The following POU6F2 variants were observed in gnomAD, a reference collection of about 807,000 sequenced individuals.
POU6F2 encodes POU class 6 homeobox 2, also known as POU domain, class 6, transcription factor 2.
A neutral mutation model predicts 71.3 loss-of-function variants in POU6F2; 31 were observed. The ratio of observed to expected loss-of-function variants is 0.43; its 90% confidence interval spans 0.33 to 0.59. The LOEUF is 0.59. POU6F2 is among the 20% of genes least tolerant of loss of function. The pLI is 0.04. For missense variants in POU6F2, 783 were observed against 856.8 expected (o/e 0.91, Z 1.07); for synonymous variants, 347 against 355.7 (o/e 0.98, Z 0.27).
At chr7:39,252,254 G>A (rs1248465510) in intron 4 of POU6F2, among the ~76,000 whole-genome samples, 1 of 151,928 alleles carries the variant, frequency 6.6e-6, no homozygotes, top group Non-Finnish European at 1.5e-5. Context: ...CTCTGTTTGA[G>A]TGTGGGTCCC....
chr7:39,213,794 C>A (rs560630249), intron 4 of POU6F2, among the ~76,000 whole-genome samples: 1 of 152,332 alleles, frequency 6.6e-6, no homozygotes, highest in Non-Finnish European at 1.5e-5. Flanking sequence ...ATTCCAACAT[C>A]CCAGTGGGCA....
chr7:39,464,324 C>G lies in POU6F2; in HGVS notation c.1801C>G (p.Gln601Glu), dbSNP rs775497926. Residue 601 changes from glutamine (Q) to glutamate (E), a missense_variant, in exon 10 of 10, where the codon CAG becomes GAG. Transcript: ENST00000518318. The surrounding 1 kb of genome is among the most constrained non-coding windows in gnomAD (Gnocchi z 4.1). ...GCTGGACATCACCCCTAAAAGTGCC[C>G]AGAAGATCAAGCCGGTGCTTGAGCG... ...EKLDITPKSA[Q>E]KIKPVLERWM... The G allele has an allele frequency of 1.5e-5, 24 of 1,613,898 alleles. No individual in the cohort carries two copies. Among genetic ancestry groups the G allele is most frequent in the Non-Finnish European group, 2.0e-5 (24 of 1,179,894 alleles).
intron 1 of POU6F2, among the ~76,000 whole-genome samples, chr7:38,990,017 T>C (rs1428673911): frequency 1.3e-5 from 2 of 152,144 alleles, no homozygotes; most frequent in Admixed American, 6.6e-5. Context: ...ATCTTTTAAC[T>C]GATTAAGATT....
chr7:39,407,778 G>A (rs768043166), intron 6 of POU6F2, among the ~76,000 whole-genome samples: 4 of 152,088 alleles, frequency 2.6e-5, no homozygotes, highest in Non-Finnish European at 2.9e-5. Context: ...AAGCTAAATC[G>A]TCTCTGTCTA....
intron 4 of POU6F2, among the ~76,000 whole-genome samples, chr7:39,224,390 A>G (rs1225013457): frequency 6.6e-6 from 1 of 151,794 alleles, no homozygotes; most frequent in African/African-American, 2.4e-5. Flanking sequence ...AAAAAAAAAA[A>G]GAGGAAATAA....
intron 2 of POU6F2, among the ~76,000 whole-genome samples, chr7:39,174,884 C>T (rs1793297856): frequency 6.6e-6 from 1 of 152,196 alleles, no homozygotes; most frequent in South Asian, 2.1e-4. Context: ...TCCTCAAGCC[C>T]CTGTGATCTG....
chr7:39,360,946 C>G (rs1786375975), intron 5 of POU6F2, among the ~76,000 whole-genome samples: 1 of 152,166 alleles, frequency 6.6e-6, no homozygotes, highest in Admixed American at 6.5e-5. Context: ...GTTTTATCAG[C>G]AAATGACCTG....
At chr7:39,052,256 A>G (rs1790413786) in intron 1 of POU6F2, among the ~76,000 whole-genome samples, 1 of 152,114 alleles carries the variant, frequency 6.6e-6, no homozygotes, top group African/African-American at 2.4e-5. Context: ...TATGAGAAAA[A>G]CTTGGGCCCA....
chr7:39,266,659 TTGA>T lies in POU6F2; in HGVS notation c.598+59043_598+59045del, dbSNP rs201182377. Among the ~76,000 whole-genome samples, 872 of 150,820 alleles carry T rather than the reference TTGA, an allele frequency of 5.8e-3. 7 individuals are homozygous for T. The highest frequency in any genetic ancestry group is 0.019 in the African/African-American group (787 of 40,866). On this transcript the variant is annotated intron_variant, in intron 4 of 9. Coordinates refer to ENST00000518318, the MANE Select transcript of POU6F2 (RefSeq NM_001370959.1). ...GATCCTCCTGCTTCAGCCTCTTGAG[TTGA>T]TGAGATTACAGGCATGAGCCACCGC...
intron 8 of POU6F2, among the ~76,000 whole-genome samples, chr7:39,455,890 A>C (rs898481926): frequency 6.6e-6 from 1 of 152,168 alleles, no homozygotes; most frequent in African/African-American, 2.4e-5. Context: ...CTTTCAGTCC[A>C]TGCATCCCAG....
At chr7:39,057,815 G>A (rs1183678960) in intron 1 of POU6F2, among the ~76,000 whole-genome samples, 1 of 152,100 alleles carries the variant, frequency 6.6e-6, no homozygotes, top group Non-Finnish European at 1.5e-5. Flanking sequence ...TCATTAATTG[G>A]AAAATCTCTG....
intron 1 of POU6F2, among the ~76,000 whole-genome samples, chr7:39,054,391 G>T (rs183639874): frequency 1.6e-4 from 24 of 152,160 alleles, no homozygotes; most frequent in African/African-American, 4.8e-4. Context: ...ATAAGCCACA[G>T]GAAATTTAAG....
chr7:39,142,628 A>AT (rs1334474232), intron 2 of POU6F2, among the ~76,000 whole-genome samples: 2 of 151,922 alleles, frequency 1.3e-5, no homozygotes, highest in Admixed American at 6.6e-5. Flanking sequence ...CCTTATTGAT[A>AT]TTTTTTTGTT....
intron 1 of POU6F2, among the ~76,000 whole-genome samples, chr7:38,991,838 TTCTCTCTC>T (rs111327791): frequency 1.3e-5 from 2 of 149,820 alleles, no homozygotes; most frequent in African/African-American, 4.9e-5. Context: ...TTCCTTTCAC[TTCTCTCTC>T]TCTCTCTCTC....
intron 4 of POU6F2, among the ~76,000 whole-genome samples, chr7:39,269,952 C>T (rs963440696): frequency 2.1e-4 from 32 of 152,232 alleles, no homozygotes; most frequent in African/African-American, 5.8e-4. Context: ...TAAGTCAAGA[C>T]GAGCTCTCAA....
At chr7:39,221,344 C>A (rs573083231) in intron 4 of POU6F2, among the ~76,000 whole-genome samples, 1 of 150,068 alleles carries the variant, frequency 6.7e-6, no homozygotes, top group Non-Finnish European at 1.5e-5. Context: ...CAGTTTTATG[C>A]GCAATTTCCA....
intron 2 of POU6F2, among the ~76,000 whole-genome samples, chr7:39,131,450 G>A (rs1792277498): frequency 6.6e-6 from 1 of 152,200 alleles, no homozygotes; most frequent in African/African-American, 2.4e-5. Flanking sequence ...CTTTGGCGGT[G>A]GCACGCTGCT....
intron 4 of POU6F2, among the ~76,000 whole-genome samples, chr7:39,324,172 C>T (rs1785462522): frequency 6.8e-6 from 1 of 146,616 alleles, no homozygotes; most frequent in Non-Finnish European, 1.5e-5. Flanking sequence ...TGAGGTTAAA[C>T]AAAGGGAAAT....
Position 39,129,624 on chromosome 7 carries a change from TATAGATAGATAGATAG to T in POU6F2, c.277+43623_277+43638del, listed in dbSNP as rs3999864. ...CCAGGTGGCTGAGAGACAATAGATA[TATAGATAGATAGATAG>T]ATAGATAGATAGATAGATAGATAGA... is the stretch of plus-strand genomic sequence containing the variant. On this transcript the variant is annotated intron_variant, in intron 2 of 9. Coordinates refer to ENST00000518318, the MANE Select transcript of POU6F2 (RefSeq NM_001370959.1). Among the ~76,000 whole-genome samples the T allele has an allele frequency of 3.1e-4, 46 of 149,346 alleles. No homozygotes were observed. In the East Asian group the frequency reaches 4.6e-3, roughly 15 times the overall value.
Sources: gnomAD v4.1 joint callset for allele counts (sites outside exome capture counted in the v4.1 genomes callset) on GRCh38, gnomAD v4.1.1 for gene constraint, Gnocchi (gnomAD v3.1) non-coding constraint, MANE v1.5 for transcripts, NCBI Gene and HGNC (gene_info 2026-07-23, HGNC 2026-07-21) for gene names.